Variants in OSBPL6 observed in about 807,000 individuals in gnomAD.
OSBPL6 encodes oxysterol binding protein like 6.
A neutral mutation model predicts 125.8 loss-of-function variants in OSBPL6; 49 were observed. The ratio of observed to expected loss-of-function variants is 0.39; its 90% CI spans 0.31 to 0.49. The LOEUF (loss-of-function observed/expected upper bound fraction) is 0.49. Among genes scored for constraint, OSBPL6 ranks in the 20% least tolerant of loss-of-function variants. The pLI is 0.88. For synonymous variants in OSBPL6, 394 were observed against 391.8 expected (o/e 1.01, Z -0.07); for missense variants, 986 against 1,135.4 (o/e 0.87, Z 1.89).
chr2:178,262,052 G>T (rs2092081602), intron 1 of OSBPL6, among the ~76,000 whole-genome samples: 1 of 149,150 alleles, frequency 6.7e-6, no homozygotes. Context: ...AGGCATTTTG[G>T]TTAGTATTTT....
At chr2:178,262,383 A>G (rs1342576224) in intron 1 of OSBPL6, among the ~76,000 whole-genome samples, 1 of 152,196 alleles carries the variant, frequency 6.6e-6, no homozygotes, top group African/African-American at 2.4e-5. Context: ...ATGTATTGCA[A>G]AAGAAAATTG....
chr2:178,212,746 AT>A (rs1400501335), intron 1 of OSBPL6, among the ~76,000 whole-genome samples: 2 of 152,202 alleles, frequency 1.3e-5, no homozygotes, highest in African/African-American at 2.4e-5. Context: ...TAAAACTAAA[AT>A]AGCTCATTGG....
chr2:178,383,230 G>A lies in OSBPL6; in HGVS notation c.1828G>A (p.Glu610Lys). 3.1e-6 allele frequency: 5 copies of A among 1,614,168 alleles called. No homozygotes were observed. The highest frequency in any genetic ancestry group is 1.7e-5 in the Admixed American group (1 of 60,018). ...CCTCTGTGAGGAAATGGAATACAGC[G>A]AGCTCCTGGACAAGGCTTCGGAAAC... ...QHLCEEMEYS[E>K]LLDKASETDD... The change falls in exon 17 of 25, where the codon GAG becomes AAG. Residue 610 changes from glutamate (E) to lysine (K), a missense_variant. By Grantham distance (56) the Glu-to-Lys change is moderately conservative. This residue lies in a region of OSBPL6 where 843 missense variants were observed against 997.3 expected (regional missense o/e 0.85). Transcript: ENST00000190611.
intron 1 of OSBPL6, among the ~76,000 whole-genome samples, chr2:178,258,803 A>G (rs952904940): frequency 6.6e-6 from 1 of 151,426 alleles, no homozygotes; most frequent in Admixed American, 6.6e-5. Flanking sequence ...TTGTTCTTGA[A>G]CTTCTTATGA....
At chr2:178,393,440 A>T (rs1386753328) in intron 23 of OSBPL6, among the ~76,000 whole-genome samples, 1 of 152,202 alleles carries the variant, frequency 6.6e-6, no homozygotes, top group African/African-American at 2.4e-5. Context: ...CAAAAATTCT[A>T]TATGCCATAC....
intron 1 of OSBPL6, among the ~76,000 whole-genome samples, chr2:178,214,852 G>GAGGC (rs1449778130): frequency 6.6e-6 from 1 of 152,106 alleles, no homozygotes; most frequent in African/African-American, 2.4e-5. Context: ...TCAAGAGGCT[G>GAGGC]AGGCAGGAGG....
At chr2:178,306,989 C>T (rs963475816) in intron 3 of OSBPL6, among the ~76,000 whole-genome samples, 2 of 152,152 alleles carry the variant, frequency 1.3e-5, no homozygotes, top group African/African-American at 2.4e-5. Flanking sequence ...CAGGTCTGAG[C>T]ATGATTATTT....
chr2:178,382,298 T>G, intron 15 of OSBPL6, 122 bp from the exon 16 acceptor site: 1 of 1,243,182 alleles, frequency 8.0e-7, no homozygotes, highest in Admixed American at 3.0e-5. Context: ...TGTCAAATAC[T>G]TTTCCCTCTA....
intron 1 of OSBPL6, among the ~76,000 whole-genome samples, chr2:178,217,897 T>C (rs2090154982): frequency 6.6e-6 from 1 of 152,198 alleles, no homozygotes; most frequent in Admixed American, 6.5e-5. Flanking sequence ...GAAAATAATT[T>C]GGGGCTGGTT....
Position 178,235,393 on chromosome 2 carries a change from CTTTTCTTTTTT to C in OSBPL6, c.-351+40724_-351+40734del, listed in dbSNP as rs1559145074. ...TTTTTCTTTCTTTCCTTTTTCTTTTCTTTTCTTTTTTTTTTTTTTTTTTTTTTTTTTGAGAC... is the reference window on the plus strand; with the variant it reads ...TTTTTCTTTCTTTCCTTTTTCTTTTCTTTTTTTTTTTTTTTTTTTTGAGAC... On this transcript the variant is annotated intron_variant, in intron 1 of 24. Transcript: ENST00000190611. Among the ~76,000 whole-genome samples, 37 of 64,518 alleles carry C rather than the reference CTTTTCTTTTTT, an allele frequency of 5.7e-4. 2 individuals are homozygous for C. In the South Asian group the frequency reaches 0.017, roughly 30 times the overall value. 42.3% of individuals were successfully genotyped at this position (64,518 alleles called of 152,430 possible).
At chr2:178,287,168 AAC>A (rs1397918376) in intron 2 of OSBPL6, among the ~76,000 whole-genome samples, 36 of 140,900 alleles carry the variant, frequency 2.6e-4, no homozygotes, top group African/African-American at 8.5e-4. Flanking sequence ...AAAAAAAAAA[AAC>A]AAATTATTTT....
chr2:178,320,796 T>A (rs895681118), intron 3 of OSBPL6, among the ~76,000 whole-genome samples: 3 of 152,228 alleles, frequency 2.0e-5, no homozygotes, highest in Non-Finnish European at 4.4e-5. Flanking sequence ...TCCGCTAGAT[T>A]TTCCTGTTTT....
rs1476515998 is a variant in OSBPL6, at chr2:178,397,369, C to A, written c.*1810C>A. 6.6e-6 allele frequency: 1 copy of A among 152,236 alleles called. No homozygotes were observed. The highest frequency in any genetic ancestry group is 1.5e-5 in the Non-Finnish European group (1 of 68,044). The allele number at this position is 152,236 out of a possible 1,614,324, so 9.4% of individuals were successfully genotyped here. A position where few individuals can be genotyped will look rare whatever the true frequency, so the allele number is the denominator to read the frequency against. On this transcript the variant is annotated 3_prime_UTR_variant, in exon 25 of 25. Transcript: ENST00000190611. ...TCAACAATACCCTCTCTATTCCTCTCATTCCCATTTTAAATCCATAGGTGG... is the reference window on the plus strand; with the variant it reads ...TCAACAATACCCTCTCTATTCCTCTAATTCCCATTTTAAATCCATAGGTGG...
At chr2:178,366,919 C>T (rs1692882704) in intron 13 of OSBPL6, among the ~76,000 whole-genome samples, 1 of 152,146 alleles carries the variant, frequency 6.6e-6, no homozygotes, top group African/African-American at 2.4e-5. Context: ...AATGTTTTTA[C>T]CCTTTTACCC....
At chr2:178,253,540 A>C (rs1574639596) in intron 1 of OSBPL6, among the ~76,000 whole-genome samples, 1 of 152,210 alleles carries the variant, frequency 6.6e-6, no homozygotes, top group Non-Finnish European at 1.5e-5. Flanking sequence ...ATCTGGTCCA[A>C]CTGGTTCCAT....
rs947130925 is a variant in OSBPL6, at chr2:178,399,788, A to G, written c.*4229A>G. ...TGTCATTGTTTGTAAAATATACAGT[A>G]TTTATGTACAGTTTCAGAGACATTC... On this transcript the variant is annotated 3_prime_UTR_variant, in exon 25 of 25. Transcript: ENST00000190611. 6.6e-6 allele frequency: 1 copy of G among 152,242 alleles called. No individual in the cohort carries two copies. The highest frequency in any genetic ancestry group is 1.5e-5 in the Non-Finnish European group (1 of 68,040). The allele number at this position is 152,242 out of a possible 1,614,324, so 9.4% of individuals were successfully genotyped here.
At chr2:178,216,855 G>T (rs2090115502) in intron 1 of OSBPL6, among the ~76,000 whole-genome samples, 1 of 152,152 alleles carries the variant, frequency 6.6e-6, no homozygotes, top group Non-Finnish European at 1.5e-5. Context: ...AGAATAAAAG[G>T]TTTGGCTCAC....
chr2:178,369,820 T>C (rs2154104033), intron 13 of OSBPL6, among the ~76,000 whole-genome samples: 1 of 152,342 alleles, frequency 6.6e-6, no homozygotes, highest in Admixed American at 6.5e-5. Flanking sequence ...AACCTATCTT[T>C]AACATTCCCA....
chr2:178,281,514 T>G (rs1386726136), intron 1 of OSBPL6, among the ~76,000 whole-genome samples: 1 of 152,212 alleles, frequency 6.6e-6, no homozygotes, highest in Non-Finnish European at 1.5e-5. Context: ...CAGCATCATT[T>G]ATTAAATAGG....
Sources: gnomAD v4.1 joint callset for allele counts (sites outside exome capture counted in the v4.1 genomes callset) on GRCh38, gnomAD v4.1.1 for gene constraint, gnomAD v4.1.1 regional missense constraint, MANE v1.5 for transcripts, NCBI Gene and HGNC (gene_info 2026-07-23, HGNC 2026-07-21) for gene names.